The following ZNF561 variants were observed in gnomAD, a reference collection of about 807,000 sequenced individuals.
The protein encoded by ZNF561 is zinc finger protein 561.
In ZNF561, 16 loss-of-function variants were observed where a neutral mutation model predicts 16.7. The observed-to-expected ratio is 0.96, with a 90% CI of 0.65 to 1.45. ZNF561 has a LOEUF of 1.45. ZNF561 is among the 40% of genes most tolerant of loss of function. ZNF561 has a pLI of 0.00. For synonymous variants in ZNF561, 190 were observed against 192.1 expected (o/e 0.99, Z 0.09); for missense variants, 580 against 578.0 (o/e 1.00, Z -0.04).
intron 1 of ZNF561, among the ~76,000 whole-genome samples, chr19:9,619,862 T>TC (rs1491399763): frequency 0.046 from 5,902 of 128,878 alleles, 381 homozygotes; most frequent in African/African-American, 0.16. Context: ...TCTATCTATA[T>TC]TTATCTATCT....
In ZNF561 at chr19:9,610,992, T is replaced by C; in HGVS notation, c.669A>G (p.Lys223=). Residue 223 remains lysine, a synonymous_variant, in exon 6 of 6, where the codon AAA becomes AAG. Transcript: ENST00000302851. ...DNHMGIHTDE[K]LCEFQEYGRA... is the part of the protein sequence containing the mutation. ...TCCCATATTCCTGAAATTCACAGAG[T>C]TTCTCATCAGTGTGGATTCCCATAT... The C allele has an allele frequency of 6.2e-7, 1 of 1,614,104 alleles. No individual in the cohort carries two copies.
rs2074426214 is a variant in ZNF561 at position 9,610,443 on chromosome 19, G to A, written c.1218C>T (p.Ser406=). 10 of 1,611,570 alleles carry A rather than the reference G, an allele frequency of 6.2e-6. No individual in the cohort carries two copies. Among genetic ancestry groups the A allele is most frequent in the Non-Finnish European group, 8.5e-6 (10 of 1,178,144 alleles). Residue 406 remains serine, a synonymous_variant, in exon 6 of 6, where the codon TCC becomes TCT. Coordinates refer to ENST00000302851, the MANE Select transcript of ZNF561 (RefSeq NM_152289.3). ...VECGKTFITS[S]RRSKHLKTHS... ...GAGTTTTCAAATGTTTACTACGACG[G>A]GAAGAAGTAATGAAGGTCTTCCCAC...
At position 9,610,879 on chromosome 19, in the gene ZNF561, G is replaced by A. The variant is rs1482765780; in HGVS notation, c.782C>T (p.Ser261Phe). ...ATAAAGTTGAGAAAAATTAGTGAAGGATTTCCCACATTTCTTAGTCTTTTT... is the reference window on the plus strand; with the variant it reads ...ATAAAGTTGAGAAAAATTAGTGAAGAATTTCCCACATTTCTTAGTCTTTTT... ...KSKKTKKCGK[S>F]FTNFSQLYAP... The change falls in exon 6 of 6, where the codon TCC (serine) becomes TTC (phenylalanine). Residue 261 changes from serine to phenylalanine, a missense_variant. Coordinates refer to ENST00000302851, the MANE Select transcript of ZNF561 (RefSeq NM_152289.3). 4 of 1,613,998 alleles carry A rather than the reference G, an allele frequency of 2.5e-6. No individual in the cohort carries two copies. The highest frequency in any genetic ancestry group is 3.4e-6 in the Non-Finnish European group (4 of 1,180,020).
chr19:9,613,271 T>C (rs934828672), intron 5 of ZNF561, among the ~76,000 whole-genome samples: 1 of 152,210 alleles, frequency 6.6e-6, no homozygotes, highest in Admixed American at 6.5e-5. Context: ...AATTCTTCTC[T>C]AATTCTCTCA....
In ZNF561 at chr19:9,608,597, C is replaced by G. The variant is rs1006680749; in HGVS notation, c.*1603G>C. ...CTAAAAATGTGAAGCAGATTTGAAA[C>G]TGACAAATGAGGCTGGAAAAATTCT... On this transcript the variant is annotated 3_prime_UTR_variant, in exon 6 of 6. Coordinates refer to ENST00000302851, the MANE Select transcript of ZNF561 (RefSeq NM_152289.3). 5 of 152,078 alleles carry G rather than the reference C, an allele frequency of 3.3e-5. No individual in the cohort carries two copies. Among genetic ancestry groups the G allele is most frequent in the Non-Finnish European group, 7.3e-5 (5 of 68,040 alleles). The allele number at this position is 152,078 out of a possible 1,614,324, so 9.4% of individuals were successfully genotyped here. A position where few individuals can be genotyped will look rare whatever the true frequency, so the allele number is the denominator to read the frequency against.
In ZNF561 at chr19:9,608,448, A is replaced by C. The variant is rs911023744; in HGVS notation, c.*1752T>G. Reference sequence around the variant, plus strand: ...ACTTCCAGCCTCGAGAAATGTGAGAATATAAATTTGTTTTTAACCTCATTT... The same window carrying C: ...ACTTCCAGCCTCGAGAAATGTGAGACTATAAATTTGTTTTTAACCTCATTT... On this transcript the variant is annotated 3_prime_UTR_variant, in exon 6 of 6. Transcript: ENST00000302851. The C allele has an allele frequency of 6.6e-6, 1 of 152,162 alleles. No homozygotes were observed. The highest frequency in any genetic ancestry group is 1.5e-5 in the Non-Finnish European group (1 of 68,044). The allele number at this position is 152,162 out of a possible 1,614,324, so 9.4% of individuals were successfully genotyped here.
intron 4 of ZNF561, among the ~76,000 whole-genome samples, chr19:9,616,168 T>C (rs2074549902): frequency 6.6e-6 from 1 of 152,240 alleles, no homozygotes; most frequent in Non-Finnish European, 1.5e-5. Flanking sequence ...CAGGGACTGT[T>C]ACTTTGGGAC....
intron 2 of ZNF561, among the ~76,000 whole-genome samples, chr19:9,618,808 C>T (rs2074606249): frequency 6.6e-6 from 1 of 151,754 alleles, no homozygotes; most frequent in South Asian, 2.1e-4. Flanking sequence ...GTACACAAAC[C>T]AGGGCTGAAT....
chr19:9,610,859 G>T lies in ZNF561; in HGVS notation c.802C>A (p.Leu268Ile), dbSNP rs1432852521. Residue 268 changes from leucine to isoleucine, a missense_variant, in exon 6 of 6, where the codon CTT (leucine) becomes ATT (isoleucine). Coordinates refer to ENST00000302851, the MANE Select transcript of ZNF561 (RefSeq NM_152289.3). ...TTATGAGTTTTCACAGGTGCATAAA[G>T]TTGAGAAAAATTAGTGAAGGATTTC... ...CGKSFTNFSQ[L>I]YAPVKTHKGE... The T allele has an allele frequency of 6.2e-7, 1 of 1,614,048 alleles. No homozygotes were observed. The highest frequency in any genetic ancestry group is 1.7e-5 in the Admixed American group (1 of 59,994).
At position 9,617,030 on chromosome 19, in the gene ZNF561, T is replaced by C; in HGVS notation, c.241+15A>G. The C allele has an allele frequency of 1.9e-6, 3 of 1,601,554 alleles. No homozygotes were observed. Among genetic ancestry groups the C allele is most frequent in the East Asian group, 4.5e-5 (2 of 44,486 alleles). ...GTGCAGGCCACCATGCCAAGCATAGTGATGTTACTCTTACCCACAGAGGCC... is the reference window on the plus strand; with the variant it reads ...GTGCAGGCCACCATGCCAAGCATAGCGATGTTACTCTTACCCACAGAGGCC... On this transcript the variant is annotated intron_variant, in intron 4 of 5. Coordinates refer to ENST00000302851, the MANE Select transcript of ZNF561 (RefSeq NM_152289.3).
At chr19:9,620,236 T>C (rs1568239900) in intron 1 of ZNF561, among the ~76,000 whole-genome samples, 1 of 152,168 alleles carries the variant, frequency 6.6e-6, no homozygotes, top group Non-Finnish European at 1.5e-5. Context: ...ATTTCAGGTA[T>C]GCACTACCAT....
At position 9,611,060 on chromosome 19, in the gene ZNF561, C is replaced by T; in HGVS notation, c.601G>A (p.Glu201Lys). ...AAATACTTAAAGCCTTTTCCACATT[C>T]CTTACATTTGTAGGGTTGTCTTGCA... ...LNARQPYKCK[E>K]CGKGFKYFAS... Residue 201 changes from glutamate (E) to lysine (K), a missense_variant, in exon 6 of 6, where the codon GAA (glutamate) becomes AAA (lysine). Physicochemically the swap from Glu to Lys is moderately conservative, Grantham distance 56. Coordinates refer to ENST00000302851, the MANE Select transcript of ZNF561 (RefSeq NM_152289.3). 6.2e-7 allele frequency: 1 copy of T among 1,614,156 alleles called. No homozygotes were observed. The highest frequency in any genetic ancestry group is 8.5e-7 in the Non-Finnish European group (1 of 1,180,028).
At chr19:9,614,502 T>G (rs2074519320) in intron 4 of ZNF561, among the ~76,000 whole-genome samples, 1 of 151,978 alleles carries the variant, frequency 6.6e-6, no homozygotes, top group Non-Finnish European at 1.5e-5. Context: ...CAGCTACTTG[T>G]GAGGCTGAGG....
rs1568229102 is a variant in ZNF561 at position 9,610,571 on chromosome 19, G to T, written c.1090C>A (p.Pro364Thr). The change falls in exon 6 of 6, where the codon CCC becomes ACC. Residue 364 changes from proline (P) to threonine (T), a missense_variant. Pro to Thr is a conservative substitution (Grantham distance 38). Coordinates refer to ENST00000302851, the MANE Select transcript of ZNF561 (RefSeq NM_152289.3). ...IHIRSHSGKKPYQCKECGKAF... is the reference protein window; with the variant it reads ...IHIRSHSGKKTYQCKECGKAF... Reference sequence around the variant, plus strand: ...TTCCCACATTCCTTACACTGATAGGGTTTCTTTCCACTGTGACTTCGTATG... The same window carrying T: ...TTCCCACATTCCTTACACTGATAGGTTTTCTTTCCACTGTGACTTCGTATG... 1.2e-6 allele frequency: 2 copies of T among 1,613,486 alleles called. No individual in the cohort carries two copies. Among genetic ancestry groups the T allele is most frequent in the Non-Finnish European group, 1.7e-6 (2 of 1,179,616 alleles).
intron 3 of ZNF561, 68 bp from the exon 4 acceptor site, chr19:9,617,239 G>A: frequency 1.3e-6 from 2 of 1,557,722 alleles, no homozygotes; most frequent in Non-Finnish European, 8.7e-7. Flanking sequence ...GGAGAATGAT[G>A]AAGGGGAACC....
chr19:9,618,854 T>C (rs1304172018), intron 2 of ZNF561, among the ~76,000 whole-genome samples: 1 of 152,196 alleles, frequency 6.6e-6, no homozygotes, highest in African/African-American at 2.4e-5. Context: ...CAGTGGCTCA[T>C]GCCTGTAATC....
intron 3 of ZNF561, 61 bp from the exon 4 acceptor site, chr19:9,617,232 G>C: frequency 6.4e-7 from 1 of 1,569,140 alleles, no homozygotes; most frequent in Non-Finnish European, 8.7e-7. Context: ...ATTCACTGGA[G>C]AATGATGAAG....
At chr19:9,613,733 T>A (rs569305275) in intron 5 of ZNF561, among the ~76,000 whole-genome samples, 1 of 152,268 alleles carries the variant, frequency 6.6e-6, no homozygotes, top group Non-Finnish European at 1.5e-5. Flanking sequence ...GCCAGCCTGG[T>A]CTCAAACTCC....
intron 3 of ZNF561, chr19:9,617,558 T>C (rs2074578474): frequency 2.6e-6 from 1 of 390,262 alleles, no homozygotes; most frequent in Non-Finnish European, 5.1e-6. Flanking sequence ...TCCAACTGTG[T>C]CACCCAGGCA....
Sources: allele counts gnomAD v4.1 joint callset (sites outside exome capture counted in the v4.1 genomes callset), GRCh38; gene constraint gnomAD v4.1.1; transcripts MANE v1.5; gene names NCBI Gene and HGNC (gene_info 2026-07-23, HGNC 2026-07-21).